Variants in TTYH3 observed in about 807,000 individuals in gnomAD.
The protein encoded by TTYH3 is tweety family member 3, also known as protein tweety homolog 3.
In TTYH3, 23 loss-of-function variants were observed where a neutral mutation model predicts 68.2. That is an observed-to-expected ratio of 0.34 (90% confidence interval 0.24 to 0.48). The LOEUF is 0.48. Among genes scored for constraint, TTYH3 ranks in the 20% least tolerant of loss-of-function variants. The pLI, the probability that TTYH3 is intolerant of heterozygous loss-of-function variation, is 0.99. For synonymous variants in TTYH3, 360 were observed against 332.8 expected, an observed-to-expected ratio of 1.08 and a Z score of -0.89; for missense variants, 768 against 727.7, an observed-to-expected ratio of 1.06 and a Z score of -0.64.
intron 1 of TTYH3, among the ~76,000 whole-genome samples, chr7:2,646,457 G>A (rs978022265): frequency 6.6e-6 from 1 of 152,248 alleles, no homozygotes; most frequent in Non-Finnish European, 1.5e-5. Flanking sequence ...TCCATCCAGC[G>A]CCTCTCCTTG....
intron 1 of TTYH3, among the ~76,000 whole-genome samples, chr7:2,634,180 C>G (rs1785597749): frequency 6.6e-6 from 1 of 152,246 alleles, no homozygotes; most frequent in South Asian, 2.1e-4. Context: ...ACTCCCGGCT[C>G]TTGGCGAGGG....
At chr7:2,658,908 G>A (rs372264451) in intron 12 of TTYH3, 32 bp from the exon 13 acceptor site, 2 of 1,609,438 alleles carry the variant, frequency 1.2e-6, no homozygotes, top group African/African-American at 1.3e-5. Context: ...TGGCCAGCAG[G>A]CACTCACAGC....
chr7:2,660,006 C>T (rs867279514), intron 13 of TTYH3: 26 of 1,303,892 alleles, frequency 2.0e-5, no homozygotes, highest in East Asian at 5.5e-5. Context: ...GGACAGTGCC[C>T]GAACGCTGTG....
At chr7:2,635,964 A>G (rs1373703496) in intron 1 of TTYH3, among the ~76,000 whole-genome samples, 1 of 152,208 alleles carries the variant, frequency 6.6e-6, no homozygotes, top group Non-Finnish European at 1.5e-5. Flanking sequence ...CACGTGCCAG[A>G]GGGTCGCTCT....
chr7:2,648,151 C>A (rs1290889824), intron 5 of TTYH3, 97 bp downstream of exon 5: 3 of 1,205,726 alleles, frequency 2.5e-6, no homozygotes, highest in East Asian at 4.9e-5. Context: ...CAGATCCTAG[C>A]CACAAGCTCT....
chr7:2,647,562 G>T lies in TTYH3; in HGVS notation c.550G>T (p.Ala184Ser), dbSNP rs772341602. 5.1e-6 allele frequency: 8 copies of T among 1,562,786 alleles called. No individual in the cohort carries two copies. Among genetic ancestry groups the T allele is most frequent in the South Asian group, 1.2e-5 (1 of 84,728 alleles). The stretch of plus-strand genomic sequence containing the variant: ...GGAGACGCTGCTGGGCTACACGGCC[G>T]CCATCCCCTTTTGGAGGAACACGGC... The part of the protein sequence containing the change: ...LLETLLGYTA[A>S]IPFWRNTAVS... The change falls in exon 4 of 14, where the codon GCC (alanine) becomes TCC (serine). Residue 184 changes from alanine to serine, a missense_variant. Physicochemically the swap from Ala to Ser is moderately conservative, Grantham distance 99. Transcript: ENST00000258796.
rs1411539265 is a variant in TTYH3 at position 2,646,976 on chromosome 7, T to G, written c.247T>G (p.Cys83Gly). The change falls in exon 2 of 14, where the codon TGC becomes GGC. Residue 83 changes from cysteine to glycine, a missense_variant. Coordinates refer to ENST00000258796, the MANE Select transcript of TTYH3 (RefSeq NM_025250.3). ...GAGCGAGGAGCACCTGGACGCCGAC[T>G]GCTGCTGCACGGCCTGGTGTGTCAT... ...RKSEEHLDAD[C>G]CCTAWCVIIA... is the part of the protein sequence containing the mutation. 3.8e-6 allele frequency: 6 copies of G among 1,594,734 alleles called. No individual in the cohort carries two copies. The highest frequency in any genetic ancestry group is 1.3e-5 in the African/African-American group (1 of 74,856).
chr7:2,655,065 G>A (rs1786295233), intron 9 of TTYH3, among the ~76,000 whole-genome samples: 1 of 152,310 alleles, frequency 6.6e-6, no homozygotes, highest in Admixed American at 6.5e-5. Context: ...AGGTCCTGGG[G>A]GTTCAGACCG....
intron 1 of TTYH3, 111 bp downstream of exon 1, chr7:2,632,389 CT>C (rs1785546656): frequency 4.2e-6 from 5 of 1,179,512 alleles, no homozygotes; most frequent in Non-Finnish European, 5.6e-6. Context: ...TCATCCCCCC[CT>C]CCAGGGTCAC....
intron 9 of TTYH3, 102 bp from the exon 10 acceptor site, chr7:2,655,990 A>G (rs1786322030): frequency 1.1e-6 from 1 of 913,058 alleles, no homozygotes; most frequent in African/African-American, 1.7e-5. Flanking sequence ...GTCGAAGATT[A>G]TGGGCTGGAG....
intron 9 of TTYH3, among the ~76,000 whole-genome samples, chr7:2,653,904 T>C (rs914474870): frequency 5.3e-5 from 8 of 152,050 alleles, no homozygotes; most frequent in African/African-American, 1.7e-4. Flanking sequence ...GTTGCTATAC[T>C]CTTGATAAAA....
At chr7:2,656,650 ACCT>A (rs1786344217) in intron 11 of TTYH3, 116 bp downstream of exon 11, 2 of 1,261,556 alleles carry the variant, frequency 1.6e-6, no homozygotes, top group Admixed American at 2.8e-5. Flanking sequence ...AGGGACAGAC[ACCT>A]CCTCACCTCG....
In TTYH3 at chr7:2,649,748, C is replaced by T. The variant is rs192448430; in HGVS notation, c.795+109C>T. ...TCCCATCTTCCCGGGCACTGGGTCC[C>T]GAGAGCGGTGGGGACCCACCATGGG... On this transcript the variant is annotated intron_variant, in intron 6 of 13. Coordinates refer to ENST00000258796, the MANE Select transcript of TTYH3 (RefSeq NM_025250.3). 4.0e-4 allele frequency: 598 copies of T among 1,477,496 alleles called. 3 individuals are homozygous for T. In the East Asian group the frequency reaches 0.013, roughly 31 times the overall value. 91.5% of individuals were successfully genotyped at this position (1,477,496 alleles called of 1,614,324 possible).
In TTYH3 at chr7:2,656,104, C is replaced by G; in HGVS notation, c.1033C>G (p.Arg345Gly). Residue 345 changes from arginine (R) to glycine (G), a missense_variant, in exon 10 of 14, where the codon CGC becomes GGC. Transcript: ENST00000258796. ...GCGTGCCCCCCAGGACCCCCTCCTCCGCGTCCAGGAGGTGCTGAATGGCAC... is the reference window on the plus strand; with the variant it reads ...GCGTGCCCCCCAGGACCCCCTCCTCGGCGTCCAGGAGGTGCTGAATGGCAC... ...EQPATKDPLL[R>G]VQEVLNGTEV... 6.4e-7 allele frequency: 1 copy of G among 1,553,230 alleles called. No individual in the cohort carries two copies. Among genetic ancestry groups the G allele is most frequent in the Non-Finnish European group, 8.7e-7 (1 of 1,146,346 alleles).
At position 2,645,709 on chromosome 7, in the gene TTYH3, C is replaced by T. The variant is rs1457161033; in HGVS notation, c.124-1144C>T. 5 of 450,640 alleles carry T rather than the reference C, an allele frequency of 1.1e-5. No homozygotes were observed. Among genetic ancestry groups the T allele is most frequent in the South Asian group, 3.2e-5 (2 of 62,572 alleles). 27.9% of individuals were successfully genotyped at this position (450,640 alleles called of 1,614,324 possible). Reference sequence around the variant, plus strand: ...GTGCCCACCCCTGAGTGCAGCTTCTCGGTGCACAGACCCCAGACAGGATCA... The same window carrying T: ...GTGCCCACCCCTGAGTGCAGCTTCTTGGTGCACAGACCCCAGACAGGATCA... On this transcript the variant is annotated intron_variant, in intron 1 of 13. Transcript: ENST00000258796. The surrounding 1 kb of genome is among the most constrained non-coding windows in gnomAD (Gnocchi z 4.8).
At chr7:2,652,094 C>A in intron 7 of TTYH3, 93 bp from the exon 8 acceptor site, 1 of 1,060,186 alleles carries the variant, frequency 9.4e-7, no homozygotes, top group Admixed American at 1.8e-5. Flanking sequence ...CACGCAGATG[C>A]CCTGAAGATA....
chr7:2,662,006 A>G lies in TTYH3; in HGVS notation c.*267A>G, dbSNP rs1341744301. The G allele has an allele frequency of 3.4e-6, 2 of 587,318 alleles. No homozygotes were observed. Among genetic ancestry groups the G allele is most frequent in the Admixed American group, 3.0e-5 (1 of 33,306 alleles). The allele number at this position is 587,318 out of a possible 1,614,324, so 36.4% of individuals were successfully genotyped here. On this transcript the variant is annotated 3_prime_UTR_variant, in exon 14 of 14. Transcript: ENST00000258796. Reference sequence around the variant, plus strand: ...CCTGCACGCCACCCACTATCCCGGCACGCTCCCTCTGCAGATGGTCGCCGC... The same window carrying G: ...CCTGCACGCCACCCACTATCCCGGCGCGCTCCCTCTGCAGATGGTCGCCGC...
chr7:2,636,656 G>A (rs1288426208), intron 1 of TTYH3, among the ~76,000 whole-genome samples: 4 of 152,190 alleles, frequency 2.6e-5, no homozygotes, highest in Non-Finnish European at 5.9e-5. Flanking sequence ...GCATTGGGGG[G>A]TGGAGGTGGG....
At chr7:2,648,095 A>C (rs1353750721) in intron 5 of TTYH3, 41 bp downstream of exon 5, 6 of 1,577,316 alleles carry the variant, frequency 3.8e-6, no homozygotes, top group Non-Finnish European at 4.3e-6. Context: ...CCCAAAGCGG[A>C]GGGGCAGGGC....
Sources: gnomAD v4.1 joint callset for allele counts (sites outside exome capture counted in the v4.1 genomes callset) on GRCh38, gnomAD v4.1.1 for gene constraint, Gnocchi (gnomAD v3.1) non-coding constraint, MANE v1.5 for transcripts, NCBI Gene and HGNC (gene_info 2026-07-23, HGNC 2026-07-21) for gene names.